The following RUFY4 variants were observed in gnomAD, a reference collection of about 807,000 sequenced individuals.
RUFY4 encodes the protein RUN and FYVE domain-containing protein 4.
In RUFY4, 73 loss-of-function variants were observed where a neutral mutation model predicts 69.0. The observed-to-expected ratio is 1.06, with a 90% confidence interval of 0.88 to 1.29. The LOEUF (loss-of-function observed/expected upper bound fraction) is 1.29. Ranked by LOEUF, RUFY4 falls within the 50% of genes most tolerant of loss-of-function variation. The probability of loss-of-function intolerance (pLI) is 0.00; values close to 1 mark genes in which losing one functional copy is unlikely to be tolerated. For synonymous variants in RUFY4, 287 were observed against 271.8 expected (o/e 1.06, Z -0.55); for missense variants, 770 against 705.6 (o/e 1.09, Z -1.03).
At chr2:218,072,014 A>C (rs1226163600) in intron 2 of RUFY4, among the ~76,000 whole-genome samples, 1 of 152,160 alleles carries the variant, frequency 6.6e-6, no homozygotes, top group Non-Finnish European at 1.5e-5. Flanking sequence ...GGCTAGGGGC[A>C]CTCCATGGGG....
chr2:218,057,267 A>G (rs373633653), intron 2 of RUFY4, among the ~76,000 whole-genome samples: 12 of 152,340 alleles, frequency 7.9e-5, no homozygotes, highest in African/African-American at 2.9e-4. Context: ...CAGTCTGTGT[A>G]CACACCCTGA....
At chr2:218,064,535 G>GC (rs202065283), upstream of RUFY4, among the ~76,000 whole-genome samples, 863 of 152,272 alleles carry the variant, frequency 5.7e-3, 15 homozygotes, top group African/African-American at 0.019. Context: ...GGTTGCCCCA[G>GC]CTGTAGCAAG....
intron 2 of RUFY4, among the ~76,000 whole-genome samples, chr2:218,043,965 G>T (rs889039897): frequency 8.5e-5 from 13 of 152,240 alleles, no homozygotes; most frequent in Non-Finnish European, 1.5e-5. Context: ...TCCCAGTACT[G>T]CTCTGAGTGT....
intron 2 of RUFY4, among the ~76,000 whole-genome samples, chr2:218,049,371 G>T (rs749529797): frequency 1.3e-5 from 2 of 152,120 alleles, no homozygotes; most frequent in African/African-American, 2.4e-5. Flanking sequence ...GATATTTGAG[G>T]TTGAAAGTTT....
chr2:218,089,400 C>T (rs753447261), intron 10 of RUFY4, 38 bp downstream of exon 12: 45 of 1,574,138 alleles, frequency 2.9e-5, no homozygotes, highest in Non-Finnish European at 3.7e-5. Context: ...TCTGGGACAG[C>T]CCAGTTTCCA....
chr2:218,079,511 G>A (rs1689712412), intron 8 of RUFY4, among the ~76,000 whole-genome samples: 1 of 152,166 alleles, frequency 6.6e-6, no homozygotes. Context: ...CGTTACGTTT[G>A]AGATACCTGT....
intron 2 of RUFY4, among the ~76,000 whole-genome samples, chr2:218,037,635 C>T (rs1052982346): frequency 6.6e-6 from 1 of 152,320 alleles, no homozygotes; most frequent in East Asian, 1.9e-4. Flanking sequence ...GAAAGCCAAA[C>T]CAAGGCAGAC....
chr2:218,084,644 T>C (rs1376010962), intron 9 of RUFY4, among the ~76,000 whole-genome samples: 1 of 152,132 alleles, frequency 6.6e-6, no homozygotes, highest in East Asian at 1.9e-4. Flanking sequence ...TTACTGTCAA[T>C]TGGGAGGAAG....
upstream of RUFY4, among the ~76,000 whole-genome samples, chr2:218,066,542 G>C (rs1689336417): frequency 6.6e-6 from 1 of 152,148 alleles, no homozygotes; most frequent in South Asian, 2.1e-4. Flanking sequence ...TGCAGGCCAG[G>C]AATCTCACTT....
chr2:218,077,384 C>T (rs1689659244), intron 8 of RUFY4, among the ~76,000 whole-genome samples: 1 of 152,198 alleles, frequency 6.6e-6, no homozygotes, highest in African/African-American at 2.4e-5. Flanking sequence ...CTCTCTCTCT[C>T]TCTTTCTTTT....
chr2:218,089,091 G>A (rs891057228), intron 9 of RUFY4, among the ~76,000 whole-genome samples, 161 bp from the exon 12 acceptor site: 7 of 151,436 alleles, frequency 4.6e-5, no homozygotes, highest in East Asian at 1.9e-4. Flanking sequence ...TTTTATTTCC[G>A]TATGTGTCCA....
chr2:218,055,588 C>A (rs2106034098), intron 2 of RUFY4, among the ~76,000 whole-genome samples: 1 of 152,282 alleles, frequency 6.6e-6, no homozygotes, highest in Non-Finnish European at 1.5e-5. Context: ...TTTTTATTAT[C>A]TGTCTGTAGA....
intron 2 of RUFY4, among the ~76,000 whole-genome samples, chr2:218,039,659 C>T (rs749195882): frequency 1.3e-5 from 2 of 152,166 alleles, no homozygotes; most frequent in Non-Finnish European, 2.9e-5. Flanking sequence ...CCAGAGAAGC[C>T]GTTCTCCATT....
chr2:218,089,119 C>T (rs1200115293), intron 9 of RUFY4, 133 bp from the exon 12 acceptor site: 3 of 675,476 alleles, frequency 4.4e-6, no homozygotes, highest in Non-Finnish European at 7.6e-6. Flanking sequence ...CCCTCCATCA[C>T]CCTCTCTGTC....
At chr2:218,069,133 A>G (rs1346662340), upstream of RUFY4, 1 of 152,366 alleles carries the variant, frequency 6.6e-6, no homozygotes. Context: ...ATTCTGCCCC[A>G]GCGCCCTGGA....
chr2:218,069,342 C>G (rs974577552), upstream of RUFY4: 1 of 152,258 alleles, frequency 6.6e-6, no homozygotes, highest in African/African-American at 2.4e-5. Flanking sequence ...CAGCCAGGCT[C>G]TCCTGGGTGA....
chr2:218,070,893 C>A, intron 2 of RUFY4, 34 bp downstream of exon 4: 1 of 1,469,446 alleles, frequency 6.8e-7, no homozygotes, highest in Non-Finnish European at 9.1e-7. Context: ...CCATCCCTCT[C>A]CCCAGACCCA....
chr2:218,073,762 C>T (rs983199185), intron 5 of RUFY4, 54 bp from the exon 8 acceptor site: 1 of 1,600,218 alleles, frequency 6.2e-7, no homozygotes, highest in African/African-American at 1.3e-5. Context: ...CATCTGAGGA[C>T]CAAGCCCAAC....
upstream of RUFY4, among the ~76,000 whole-genome samples, chr2:218,067,529 G>A (rs1179965198): frequency 6.6e-6 from 1 of 152,190 alleles, no homozygotes; most frequent in East Asian, 1.9e-4. Context: ...CCCTGAAGAG[G>A]GGAGCCCCAA....
Sources: gnomAD v4.1 joint callset for allele counts (sites outside exome capture counted in the v4.1 genomes callset) on GRCh38, gnomAD v4.1.1 for gene constraint, MANE v1.5 for transcripts, NCBI Gene and HGNC (gene_info 2026-07-23, HGNC 2026-07-21) for gene names.